BSND: variants seen among roughly 807,000 people sequenced by gnomAD.
The protein encoded by BSND is barttin.
BSND carries 13 observed loss-of-function variants against 18.8 expected under a neutral mutation model. The ratio of observed to expected loss-of-function variants is 0.69; its 90% CI spans 0.45 to 1.10. The LOEUF (loss-of-function observed/expected upper bound fraction) is 1.10. Ranked by LOEUF, BSND falls within the 50% of genes least tolerant of loss-of-function variation. The probability of loss-of-function intolerance (pLI) is 0.00; values close to 1 mark genes in which losing one functional copy is unlikely to be tolerated. For synonymous variants in BSND, 170 were observed against 161.8 expected (o/e 1.05, Z -0.39); for missense variants, 379 against 416.7 (o/e 0.91, Z 0.79).
intron 2 of BSND, 107 bp from the exon 3 acceptor site, chr1:55,006,890 T>G: frequency 6.5e-7 from 1 of 1,532,336 alleles, no homozygotes; most frequent in Non-Finnish European, 9.0e-7. Context: ...CAAAGGCTTC[T>G]TGTGAGGTGA....
Position 54,999,348 on chromosome 1 carries a change from C to T in BSND, c.162C>T (p.Cys54=), listed in dbSNP as rs942451327. 11 of 1,609,868 alleles carry T rather than the reference C, an allele frequency of 6.8e-6. No homozygotes were observed. The highest frequency in any genetic ancestry group is 9.3e-6 in the Non-Finnish European group (11 of 1,176,772). ...MVIGGIIWSM[C]QCYPKITFVP... ...TCGGGGGCATCATCTGGAGCATGTG[C>T]CAGTGCTACCCCAAGGTAGGTGGTA... is the stretch of plus-strand genomic sequence containing the variant. The change falls in exon 1 of 4, where the codon TGC becomes TGT. Residue 54 remains cysteine, a synonymous_variant. Transcript: ENST00000651561.
intron 3 of BSND, 22 bp from the exon 4 acceptor site, chr1:55,008,192 C>G (rs1014323811): frequency 9.3e-6 from 15 of 1,608,124 alleles, no homozygotes; most frequent in Non-Finnish European, 1.3e-5. Flanking sequence ...TACCCTTGCC[C>G]TTGTGGTCTT....
In BSND at chr1:55,013,296, T is replaced by C. The variant is rs1015367522; in HGVS notation, c.*4668T>C. ...CTCCTGCCTCAGCCTCCCAAGTAGC[T>C]AGGATTACAGGCGCCTGCCACCACA... On this transcript the variant is annotated 3_prime_UTR_variant, in exon 4 of 4. Coordinates refer to ENST00000651561, the MANE Select transcript of BSND (RefSeq NM_057176.3). Among the ~76,000 whole-genome samples, 3 of 152,162 alleles carry C rather than the reference T, an allele frequency of 2.0e-5. No individual in the cohort carries two copies. Among genetic ancestry groups the C allele is most frequent in the African/African-American group, 7.2e-5 (3 of 41,434 alleles).
rs1227271472 is a variant in BSND at position 54,999,121 on chromosome 1, G to GTT, written c.-64_-63dup. On this transcript the variant is annotated 5_prime_UTR_variant, in exon 1 of 4. Transcript: ENST00000651561. ...TCTCCCTGTGTAAGCCTGTCTCGGT[G>GTT]TTTAGGCTGAACTACAGCCACCCCC... The GTT allele has an allele frequency of 1.9e-6, 3 of 1,594,884 alleles. No homozygotes were observed. The African/African-American group carries it at 4.0e-5, about 21-fold the overall frequency.
intron 1 of BSND, among the ~76,000 whole-genome samples, chr1:55,004,325 C>G (rs535037323): frequency 6.6e-6 from 1 of 152,216 alleles, no homozygotes; most frequent in Non-Finnish European, 1.5e-5. Flanking sequence ...AGGGTAGCCC[C>G]GTTATACAGA....
rs1644348624 is a variant in BSND at position 54,999,220 on chromosome 1, A to G, written c.34A>G (p.Ile12Val). The G allele has an allele frequency of 6.2e-7, 1 of 1,614,024 alleles. No homozygotes were observed. Among genetic ancestry groups the G allele is most frequent in the Non-Finnish European group, 8.5e-7 (1 of 1,179,998 alleles). Residue 12 changes from isoleucine (I) to valine (V), a missense_variant, in exon 1 of 4, where the codon ATT becomes GTT. Transcript: ENST00000651561. The stretch of plus-strand genomic sequence containing the variant: ...CGAGAAGACCTTCCGGATCGGCTTC[A>G]TTGTGCTGGGGCTTTTCCTGCTGGC... Reference protein sequence around the residue: ...ADEKTFRIGFIVLGLFLLALG... With the variant: ...ADEKTFRIGFVVLGLFLLALG...
chr1:55,005,791 A>G (rs1047231053), intron 2 of BSND, among the ~76,000 whole-genome samples: 3 of 152,182 alleles, frequency 2.0e-5, no homozygotes, highest in African/African-American at 7.2e-5. Flanking sequence ...TACAGCTAGG[A>G]AGATTGAGGC....
At chr1:55,005,217 C>T in intron 2 of BSND, 101 bp downstream of exon 2, 1 of 1,018,010 alleles carries the variant, frequency 9.8e-7, no homozygotes. Context: ...TGTTTGCCTT[C>T]TCACTTACTG....
intron 2 of BSND, 109 bp downstream of exon 2, chr1:55,005,225 C>A: frequency 1.1e-6 from 1 of 909,342 alleles, no homozygotes; most frequent in Non-Finnish European, 1.7e-6. Context: ...TTCTCACTTA[C>A]TGAGAATGTA....
Position 55,010,248 on chromosome 1 carries a change from CAGA to C in BSND, c.*1624_*1626del, listed in dbSNP as rs1644414922. 6.6e-6 allele frequency: 1 copy of C among 152,360 alleles called. No individual in the cohort carries two copies. Among genetic ancestry groups the C allele is most frequent in the African/African-American group, 2.4e-5 (1 of 41,540 alleles). The allele number at this position is 152,360 out of a possible 1,614,324, so 9.4% of individuals were successfully genotyped here. On this transcript the variant is annotated 3_prime_UTR_variant, in exon 4 of 4. Transcript: ENST00000651561. ...AAGTAAAAAATGGACACACCAGAGGCAGAAGAGTGACAGCCTCCCAGCTGTTTG... is the reference window on the plus strand; with the variant it reads ...AAGTAAAAAATGGACACACCAGAGGCAGAGTGACAGCCTCCCAGCTGTTTG...
At chr1:55,000,487 G>A (rs1376405890) in intron 1 of BSND, among the ~76,000 whole-genome samples, 3 of 151,316 alleles carry the variant, frequency 2.0e-5, no homozygotes, top group Admixed American at 1.3e-4. Context: ...ATATCTGGGG[G>A]CCCTGCTGGA....
In BSND at chr1:55,012,046, A is replaced by T. The variant is rs1644424646; in HGVS notation, c.*3418A>T. ...TCCTGTCAGGTTGGAGGGACTCTGGAAGTTTCCACCCTCTGGAGAGGGAAA... is the reference window on the plus strand; with the variant it reads ...TCCTGTCAGGTTGGAGGGACTCTGGTAGTTTCCACCCTCTGGAGAGGGAAA... On this transcript the variant is annotated 3_prime_UTR_variant, in exon 4 of 4. Coordinates refer to ENST00000651561, the MANE Select transcript of BSND (RefSeq NM_057176.3). Among the ~76,000 whole-genome samples, 1 of 152,040 alleles carries T rather than the reference A, an allele frequency of 6.6e-6. No individual in the cohort carries two copies. The highest frequency in any genetic ancestry group is 1.5e-5 in the Non-Finnish European group (1 of 67,988).
In BSND at chr1:55,011,751, T is replaced by C. The variant is rs1644423570; in HGVS notation, c.*3123T>C. Reference sequence around the variant, plus strand: ...TATGACTGGGTGTCTTCTTCAACCTTATCTAGGATAAAATAAAATCATAAA... The same window carrying C: ...TATGACTGGGTGTCTTCTTCAACCTCATCTAGGATAAAATAAAATCATAAA... On this transcript the variant is annotated 3_prime_UTR_variant, in exon 4 of 4. Transcript: ENST00000651561. 1 of 152,218 alleles carries C rather than the reference T, an allele frequency of 6.6e-6. No homozygotes were observed. The highest frequency in any genetic ancestry group is 1.5e-5 in the Non-Finnish European group (1 of 68,062). 9.4% of individuals were successfully genotyped at this position (152,218 alleles called of 1,614,324 possible).
rs919945740 is a variant in BSND, at chr1:55,016,898, G to A, written c.*8270G>A. Among the ~76,000 whole-genome samples the A allele has an allele frequency of 2.6e-5, 4 of 152,172 alleles. No homozygotes were observed. Among genetic ancestry groups the A allele is most frequent in the Non-Finnish European group, 5.9e-5 (4 of 68,030 alleles). On this transcript the variant is annotated 3_prime_UTR_variant, in exon 4 of 4. Transcript: ENST00000651561. ...AAGACATCATGCCACAGCTATGCAA[G>A]GGACAGATACACGGCCATTCAAAAC...
intron 1 of BSND, among the ~76,000 whole-genome samples, chr1:55,003,550 T>C (rs993439238): frequency 6.6e-6 from 1 of 152,202 alleles, no homozygotes; most frequent in Admixed American, 6.5e-5. Context: ...AATGGAGCTT[T>C]CCTAGTGCAG....
chr1:55,008,625 C>G lies in BSND; in HGVS notation c.960C>G (p.Gly320=). 6.2e-7 allele frequency: 1 copy of G among 1,614,102 alleles called. No homozygotes were observed. Among genetic ancestry groups the G allele is most frequent in the Non-Finnish European group, 8.5e-7 (1 of 1,180,038 alleles). The change falls in exon 4 of 4, where the codon GGC becomes GGG. Residue 320 remains glycine, a synonymous_variant. Coordinates refer to ENST00000651561, the MANE Select transcript of BSND (RefSeq NM_057176.3). ...KELGFEPDTQ[G] is the part of the protein sequence containing the mutation. ...TGGGTTTTGAGCCTGACACCCAAGGCTGAGATGTTTGTGCTCCGTAGCTTC... is the reference window on the plus strand; with the variant it reads ...TGGGTTTTGAGCCTGACACCCAAGGGTGAGATGTTTGTGCTCCGTAGCTTC...
intron 1 of BSND, among the ~76,000 whole-genome samples, chr1:55,004,761 A>G (rs1359825335): frequency 6.6e-6 from 1 of 152,196 alleles, no homozygotes; most frequent in Non-Finnish European, 1.5e-5. Flanking sequence ...TGCTGCTCCT[A>G]GTGCCTGCGA....
At position 55,007,269 on chromosome 1, in the gene BSND, C is replaced by A; in HGVS notation, c.545C>A (p.Pro182His). The change falls in exon 3 of 4, where the codon CCC becomes CAC. Residue 182 changes from proline to histidine, a missense_variant. Pro to His is a moderately conservative substitution (Grantham distance 77). Coordinates refer to ENST00000651561, the MANE Select transcript of BSND (RefSeq NM_057176.3). The stretch of plus-strand genomic sequence containing the variant: ...GAAAGACGCCTAACTCAGAGCTGGC[C>A]CGGGTGAGTGCTTAGAGGGCAGGAG... Reference protein sequence around the residue: ...EGERRLTQSWPGPLACPQGPA... With the variant: ...EGERRLTQSWHGPLACPQGPA... 6.3e-7 allele frequency: 1 copy of A among 1,585,330 alleles called. No homozygotes were observed. The highest frequency in any genetic ancestry group is 8.6e-7 in the Non-Finnish European group (1 of 1,162,874).
At chr1:55,005,894 C>T (rs1238300542) in intron 2 of BSND, among the ~76,000 whole-genome samples, 2 of 149,464 alleles carry the variant, frequency 1.3e-5, no homozygotes, top group East Asian at 3.9e-4. Context: ...GGGGCCTGCA[C>T]TCAGCAGTGA....
Sources: allele counts gnomAD v4.1 joint callset (sites outside exome capture counted in the v4.1 genomes callset), GRCh38; gene constraint gnomAD v4.1.1; transcripts MANE v1.5; gene names NCBI Gene and HGNC (gene_info 2026-07-23, HGNC 2026-07-21).